The following PRRC2C variants were observed in gnomAD, a reference collection of about 807,000 sequenced individuals.
PRRC2C encodes the protein protein PRRC2C.
A neutral mutation model predicts 317.2 loss-of-function variants in PRRC2C; 72 were observed. The ratio of observed to expected loss-of-function variants is 0.23; its 90% CI spans 0.19 to 0.28. The LOEUF (loss-of-function observed/expected upper bound fraction) is 0.28. Ranked by LOEUF, PRRC2C falls within the 10% of genes least tolerant of loss-of-function variation. The pLI is 1.00. For missense variants in PRRC2C, 3,074 were observed against 3,459.7 expected (o/e 0.89, Z 2.80); for synonymous variants, 1,296 against 1,205.9 (o/e 1.07, Z -1.55).
chr1:171,506,687 T>TGTGTG (rs1670301843), intron 1 of PRRC2C, among the ~76,000 whole-genome samples: 2 of 136,604 alleles, frequency 1.5e-5, no homozygotes, highest in African/African-American at 2.8e-5. Context: ...TTTTTTTTCT[T>TGTGTG]TGTGTGTGTG....
rs117560969 is a variant in PRRC2C, at chr1:171,499,896, G to A, written c.-57-12136G>A. 9.2e-5 allele frequency among the ~76,000 whole-genome samples: 14 copies of A among 152,204 alleles called. No individual in the cohort carries two copies. The East Asian group carries it at 2.7e-3, about 29-fold the overall frequency. On this transcript the variant is annotated intron_variant, in intron 1 of 34. Coordinates refer to ENST00000647382, the MANE Select transcript of PRRC2C (RefSeq NM_001387844.1). ...ATAGTCATGGAAACCAAAGAAAATG[G>A]TTTACACAGATGCTATTTAACTTTT...
At chr1:171,550,466 CTTTTTT>C in intron 18 of PRRC2C, among the ~76,000 whole-genome samples, 1 of 145,870 alleles carries the variant, frequency 6.9e-6, no homozygotes, top group Non-Finnish European at 1.5e-5. Flanking sequence ...CAAAGACCAT[CTTTTTT>C]TTTTTTTTTA....
chr1:171,524,781 A>G (rs1470962093), intron 9 of PRRC2C, 40 bp from the exon 10 acceptor site: 1 of 1,510,296 alleles, frequency 6.6e-7, no homozygotes, highest in South Asian at 1.3e-5. Context: ...CTTATGATAC[A>G]GTTGGTCCAC....
chr1:171,540,832 G>A lies in PRRC2C; in HGVS notation c.3366G>A (p.Lys1122=). 1 of 1,613,720 alleles carries A rather than the reference G, an allele frequency of 6.2e-7. No individual in the cohort carries two copies. Among genetic ancestry groups the A allele is most frequent in the Non-Finnish European group, 8.5e-7 (1 of 1,179,816 alleles). The part of the protein sequence containing the change: ...VSTVQVEPAV[K]TVNQQTMAAP... The stretch of plus-strand genomic sequence containing the variant: ...CTGTTCAGGTAGAGCCTGCAGTTAA[G>A]ACTGTAAACCAACAGACTATGGCAG... The change falls in exon 16 of 35, where the codon AAG becomes AAA. Residue 1122 remains lysine (K), a synonymous_variant. Coordinates refer to ENST00000647382, the MANE Select transcript of PRRC2C (RefSeq NM_001387844.1).
Position 171,526,805 on chromosome 1 carries a change from CTTTTTTT to C in PRRC2C, c.1201-971_1201-965del, listed in dbSNP as rs938229816. ...AAAATCATTACATTCAGAAATATAT[CTTTTTTT>C]TTTTTTTTTTTTTTGAGATGGAGTC... On this transcript the variant is annotated intron_variant, in intron 10 of 34. Transcript: ENST00000647382. Among the ~76,000 whole-genome samples the C allele has an allele frequency of 2.8e-4, 25 of 90,208 alleles. 1 individual carries two copies. The highest frequency in any genetic ancestry group is 4.3e-4 in the Non-Finnish European group (21 of 48,454). 59.2% of individuals were successfully genotyped at this position (90,208 alleles called of 152,430 possible).
At chr1:171,497,774 C>T (rs948328470) in intron 1 of PRRC2C, among the ~76,000 whole-genome samples, 3 of 151,886 alleles carry the variant, frequency 2.0e-5, no homozygotes, top group Non-Finnish European at 4.4e-5. Flanking sequence ...TGGCCCTAAT[C>T]GGGTATTTTT....
intron 1 of PRRC2C, chr1:171,509,430 G>A (rs1017478285): frequency 6.6e-6 from 1 of 152,200 alleles, no homozygotes; most frequent in African/African-American, 2.4e-5. Flanking sequence ...GTTTAGATAA[G>A]AAGGGAAGTG....
chr1:171,534,986 G>A (rs1219068689), intron 12 of PRRC2C, among the ~76,000 whole-genome samples: 1 of 152,106 alleles, frequency 6.6e-6, no homozygotes, highest in Non-Finnish European at 1.5e-5. Flanking sequence ...ACAGATAATA[G>A]TCCCTTTACC....
chr1:171,523,114 G>GT (rs1408939754), intron 7 of PRRC2C, 107 bp from the exon 8 acceptor site: 26 of 1,000,532 alleles, frequency 2.6e-5, no homozygotes, highest in Non-Finnish European at 3.6e-5. Flanking sequence ...AGGTATCTTG[G>GT]TGTAGAAAAC....
At chr1:171,590,460 C>A (rs1042135279) in intron 34 of PRRC2C, among the ~76,000 whole-genome samples, 2 of 152,152 alleles carry the variant, frequency 1.3e-5, no homozygotes, top group African/African-American at 4.8e-5. Context: ...CTACATATGT[C>A]ATCAGATCAG....
intron 28 of PRRC2C, among the ~76,000 whole-genome samples, chr1:171,581,824 TAACAAAGC>T (rs1009833958): frequency 1.2e-4 from 18 of 152,336 alleles, no homozygotes; most frequent in African/African-American, 3.8e-4. Context: ...AGGTCAGTTT[TAACAAAGC>T]AACAAAGCAT....
At chr1:171,568,217 A>C in intron 22 of PRRC2C, 30 bp from the exon 23 acceptor site, 1 of 1,559,470 alleles carries the variant, frequency 6.4e-7, no homozygotes, top group Non-Finnish European at 8.7e-7. Flanking sequence ...TCAGTTTAAA[A>C]TGTATTTTTT....
Position 171,589,331 on chromosome 1 carries a change from A to G in PRRC2C, c.8200-38A>G. On this transcript the variant is annotated intron_variant, in intron 33 of 34. Coordinates refer to ENST00000647382, the MANE Select transcript of PRRC2C (RefSeq NM_001387844.1). ...CAGTTTTTTTTTTTTTTTTTTTTTTAACAGTTCAATGTTGTATGTTTTGTT... is the reference window on the plus strand; with the variant it reads ...CAGTTTTTTTTTTTTTTTTTTTTTTGACAGTTCAATGTTGTATGTTTTGTT... 5.3e-6 allele frequency: 3 copies of G among 562,470 alleles called. No individual in the cohort carries two copies. The African/African-American group carries it at 8.4e-5, about 16-fold the overall frequency. 34.8% of individuals were successfully genotyped at this position (562,470 alleles called of 1,614,324 possible).
chr1:171,587,016 T>C lies in PRRC2C; in HGVS notation c.7763T>C (p.Leu2588Ser), dbSNP rs775290105. Residue 2588 changes from leucine (L) to serine (S), a missense_variant, in exon 31 of 35, where the codon TTA becomes TCA. By Grantham distance (145) the Leu-to-Ser change is moderately radical. This residue lies in a region of PRRC2C where 490 missense variants were observed against 663.1 expected (regional missense o/e 0.74). Coordinates refer to ENST00000647382, the MANE Select transcript of PRRC2C (RefSeq NM_001387844.1). ...PSALQQVTVP[L>S]PASQLSLPNF... is the part of the protein sequence containing the mutation. ...CTTATTTTCTAGGTTACAGTACCTT[T>C]ACCAGCATCGCAGCTTTCCTTGCCT... The C allele has an allele frequency of 6.2e-7, 1 of 1,605,070 alleles. No individual in the cohort carries two copies. The highest frequency in any genetic ancestry group is 1.1e-5 in the South Asian group (1 of 89,340).
chr1:171,581,982 G>T (rs1198443538), intron 28 of PRRC2C, among the ~76,000 whole-genome samples: 1 of 152,054 alleles, frequency 6.6e-6, no homozygotes, highest in African/African-American at 2.4e-5. Flanking sequence ...TTGTTTTGAG[G>T]GGGTGTGTTT....
rs370245695 is a variant in PRRC2C, at chr1:171,557,629, C to G, written c.5517C>G (p.Ala1839=). 300 of 1,551,686 alleles carry G rather than the reference C, an allele frequency of 1.9e-4. 1 individual carries two copies. Among genetic ancestry groups the G allele is most frequent in the South Asian group, 1.7e-3 (142 of 84,064 alleles). The part of the protein sequence containing the change: ...AITSSSAPAS[A]PAPTPILASV... ...CCTCTTCTTCAGCTCCAGCCTCAGC[C>G]CCAGCTCCAACCCCCATCCTTGCCT... The change falls in exon 19 of 35, where the codon GCC becomes GCG. Residue 1839 remains alanine (A), a synonymous_variant. Transcript: ENST00000647382.
At chr1:171,552,931 C>G (rs946343340) in intron 18 of PRRC2C, among the ~76,000 whole-genome samples, 1 of 151,480 alleles carries the variant, frequency 6.6e-6, no homozygotes, top group Non-Finnish European at 1.5e-5. Context: ...TCTCTATTTT[C>G]ATTGTGTCTG....
chr1:171,571,561 T>C (rs967496139), intron 24 of PRRC2C, 140 bp downstream of exon 24: 35 of 650,158 alleles, frequency 5.4e-5, no homozygotes, highest in Non-Finnish European at 7.0e-5. Context: ...GCTGTCAAAT[T>C]ATACCTTACA....
At chr1:171,584,316 A>G (rs1649361811) in intron 29 of PRRC2C, 103 bp from the exon 30 acceptor site, 2 of 1,341,748 alleles carry the variant, frequency 1.5e-6, no homozygotes, top group East Asian at 2.4e-5. Context: ...TCATTTATCT[A>G]ATACTAAAAA....
Sources: allele counts gnomAD v4.1 joint callset (sites outside exome capture counted in the v4.1 genomes callset), GRCh38; gene constraint gnomAD v4.1.1; regional missense constraint gnomAD v4.1.1; transcripts MANE v1.5; gene names NCBI Gene and HGNC (gene_info 2026-07-23, HGNC 2026-07-21).